Variants in COL28A1 observed in about 807,000 individuals in gnomAD.
COL28A1 encodes collagen type XXVIII alpha 1 chain, also known as collagen alpha-1(XXVIII) chain.
In COL28A1, 161 loss-of-function variants were observed where a neutral mutation model predicts 150.2. The observed-to-expected ratio is 1.07, with a 90% CI of 0.94 to 1.22. The LOEUF is 1.22. COL28A1 is among the 50% of genes most tolerant of loss of function. The pLI is 0.00. For missense variants in COL28A1, 1,617 were observed against 1,388.3 expected (o/e 1.16, Z -2.62); for synonymous variants, 552 against 469.7 (o/e 1.18, Z -2.26).
Position 7,515,811 on chromosome 7 carries a change from T to G in COL28A1, c.882+3A>C, listed in dbSNP as rs1009831323. ...GTCAATCTATTTGTTGTTACCAACT[T>G]ACCTTGTCACCCTTGTACCCAGGAA... On this transcript the variant is annotated splice_donor_region_variant and intron_variant, in intron 8 of 34. Coordinates refer to ENST00000399429, the MANE Select transcript of COL28A1 (RefSeq NM_001037763.3). 27 of 1,057,620 alleles carry G rather than the reference T, an allele frequency of 2.6e-5. No homozygotes were observed. The East Asian group carries it at 6.4e-4, about 25-fold the overall frequency. The allele number at this position is 1,057,620 out of a possible 1,614,324, so 65.5% of individuals were successfully genotyped here. A position where few individuals can be genotyped will look rare whatever the true frequency, so the allele number is the denominator to read the frequency against.
chr7:7,435,050 A>G lies in COL28A1; in HGVS notation c.1860+1345T>C, dbSNP rs549330172. On this transcript the variant is annotated intron_variant, in intron 23 of 34. Coordinates refer to ENST00000399429, the MANE Select transcript of COL28A1 (RefSeq NM_001037763.3). ...TGAACTAGGGAAGAACAACAGAAAG[A>G]GTATCATTAGAGTCCAGGGGAGTAG... is the stretch of plus-strand genomic sequence containing the variant. Among the ~76,000 whole-genome samples the G allele has an allele frequency of 4.6e-5, 7 of 152,336 alleles. 2 individuals carry two copies. The highest frequency in any genetic ancestry group is 1.4e-4 in the African/African-American group (6 of 41,578).
At chr7:7,411,665 C>T (rs1309495348) in intron 27 of COL28A1, among the ~76,000 whole-genome samples, 3 of 152,186 alleles carry the variant, frequency 2.0e-5, no homozygotes, top group Non-Finnish European at 2.9e-5. Context: ...AATGAACTTT[C>T]CTGGTCCTAC....
chr7:7,471,686 G>C (rs529517589), intron 15 of COL28A1, among the ~76,000 whole-genome samples: 6 of 152,164 alleles, frequency 3.9e-5, no homozygotes, highest in Non-Finnish European at 5.9e-5. Context: ...CTTGAGGTCA[G>C]AAGTTTGAGA....
chr7:7,471,136 A>AAAAG (rs1462658405), intron 15 of COL28A1, among the ~76,000 whole-genome samples: 1 of 147,900 alleles, frequency 6.8e-6, no homozygotes, highest in South Asian at 2.1e-4. Context: ...AAAAAAAAAA[A>AAAAG]AAAAAAAAGA....
intron 3 of COL28A1, among the ~76,000 whole-genome samples, chr7:7,528,517 G>C (rs767566427): frequency 4.6e-5 from 7 of 152,074 alleles, no homozygotes; most frequent in Non-Finnish European, 7.4e-5. Context: ...TATTCATTCT[G>C]TATACTCGTG....
rs760751511 is a variant in COL28A1 at position 7,506,020 on chromosome 7, G to T, written c.1020C>A (p.Gly340=). Residue 340 remains glycine, a synonymous_variant, in exon 11 of 35, where the codon GGC becomes GGA. Transcript: ENST00000399429. The part of the protein sequence containing the change: ...PGDPGPKGFQ[G]NKGEPGPPGP... Reference sequence around the variant, plus strand: ...AATCAAAGGGTAAGATTACCTTATTGCCTTGAAACCCCTTTGGGCCTGGGT... The same window carrying T: ...AATCAAAGGGTAAGATTACCTTATTTCCTTGAAACCCCTTTGGGCCTGGGT... The T allele has an allele frequency of 7.2e-7, 1 of 1,385,632 alleles. No individual in the cohort carries two copies. The highest frequency in any genetic ancestry group is 1.0e-6 in the Non-Finnish European group (1 of 971,474). The allele number at this position is 1,385,632 out of a possible 1,614,324, so 85.8% of individuals were successfully genotyped here.
At position 7,507,171 on chromosome 7, in the gene COL28A1, A is replaced by T. The variant is rs769029140; in HGVS notation, c.928-10T>A. On this transcript the variant is annotated splice_polypyrimidine_tract_variant and intron_variant, in intron 9 of 34. Coordinates refer to ENST00000399429, the MANE Select transcript of COL28A1 (RefSeq NM_001037763.3). ...ATGGCCCTGGGGATCCCTGTGGAAT[A>T]AAATTGAAAATAAGTCTCTCTAAAT... 4 of 1,126,834 alleles carry T rather than the reference A, an allele frequency of 3.5e-6. No homozygotes were observed. Among genetic ancestry groups the T allele is most frequent in the African/African-American group, 1.5e-5 (1 of 65,394 alleles). The allele number at this position is 1,126,834 out of a possible 1,614,324, so 69.8% of individuals were successfully genotyped here.
intron 27 of COL28A1, among the ~76,000 whole-genome samples, chr7:7,390,518 G>C (rs148692678): frequency 0.018 from 2,798 of 152,200 alleles, 80 homozygotes; most frequent in African/African-American, 0.062. Context: ...AAATGAGTTA[G>C]GGAGGAGTCC....
At chr7:7,345,923 C>T in the COL28A1 span, among the ~76,000 whole-genome samples, 3 of 152,026 alleles carry the variant, frequency 2.0e-5, no homozygotes, top group African/African-American at 7.2e-5. Context: ...TTGAGATTAT[C>T]TCTCTGTTTT....
intron 27 of COL28A1, among the ~76,000 whole-genome samples, chr7:7,395,412 C>T (rs1191205756): frequency 1.3e-5 from 2 of 152,162 alleles, no homozygotes; most frequent in Non-Finnish European, 2.9e-5. Context: ...TTTCATTTTA[C>T]TATTAAGTTG....
the COL28A1 span, among the ~76,000 whole-genome samples, chr7:7,349,955 A>G: frequency 7.8e-4 from 119 of 152,246 alleles, 1 homozygote; most frequent in Non-Finnish European, 1.4e-3. Flanking sequence ...ATTGAAGAAC[A>G]AATTTAAGGA....
intron 3 of COL28A1, among the ~76,000 whole-genome samples, chr7:7,530,125 G>C (rs188489073): frequency 1.3e-5 from 2 of 152,266 alleles, no homozygotes; most frequent in Non-Finnish European, 2.9e-5. Flanking sequence ...CTCTCAATAT[G>C]CCTTTATAGG....
At chr7:7,417,963 TA>T (rs1562592191) in intron 26 of COL28A1, 36 bp from the exon 27 acceptor site, 2 of 1,551,172 alleles carry the variant, frequency 1.3e-6, no homozygotes, top group African/African-American at 2.7e-5. Context: ...AGACAAAATG[TA>T]AGAAGATCGA....
At chr7:7,447,510 A>G (rs1035272297) in intron 18 of COL28A1, among the ~76,000 whole-genome samples, 1 of 151,938 alleles carries the variant, frequency 6.6e-6, no homozygotes, top group African/African-American at 2.4e-5. Flanking sequence ...AGAAAAATCA[A>G]TCGATTGAAA....
chr7:7,343,414 T>C, the COL28A1 span, among the ~76,000 whole-genome samples: 1 of 152,070 alleles, frequency 6.6e-6, no homozygotes, highest in African/African-American at 2.4e-5. Context: ...TTCATCTTTT[T>C]CCTTGCTGCG....
chr7:7,344,263 C>T, the COL28A1 span, among the ~76,000 whole-genome samples: 2 of 152,054 alleles, frequency 1.3e-5, no homozygotes, highest in Admixed American at 1.3e-4. Context: ...AGCCACTGCA[C>T]CTGGCCTATT....
chr7:7,370,680 A>C (rs770679971), intron 33 of COL28A1, 45 bp downstream of exon 33: 52 of 1,512,234 alleles, frequency 3.4e-5, no homozygotes, highest in Non-Finnish European at 4.5e-5. Context: ...AAACAGAGAG[A>C]ATACACCATT....
At chr7:7,402,276 T>C (rs775984078) in intron 27 of COL28A1, among the ~76,000 whole-genome samples, 2 of 152,224 alleles carry the variant, frequency 1.3e-5, no homozygotes, top group Non-Finnish European at 2.9e-5. Context: ...CGTCAAGGCT[T>C]GTTGCAATGT....
At chr7:7,411,985 T>G (rs1029292204) in intron 27 of COL28A1, among the ~76,000 whole-genome samples, 3 of 152,082 alleles carry the variant, frequency 2.0e-5, no homozygotes, top group Non-Finnish European at 4.4e-5. Context: ...AACTTAAAAT[T>G]TCCATCCTTC....
Sources: gnomAD v4.1 joint callset for allele counts (sites outside exome capture counted in the v4.1 genomes callset) on GRCh38, gnomAD v4.1.1 for gene constraint, MANE v1.5 for transcripts, NCBI Gene and HGNC (gene_info 2026-07-23, HGNC 2026-07-21) for gene names.